Variants in B3GNT5 observed in about 807,000 individuals in gnomAD.
The protein encoded by B3GNT5 is lactosylceramide 1,3-N-acetyl-beta-D-glucosaminyltransferase.
Under a neutral mutation model 25.9 loss-of-function variants are expected in B3GNT5, and 11 were observed. The ratio of observed to expected loss-of-function variants is 0.42; its 90% confidence interval spans 0.27 to 0.70. B3GNT5 has a LOEUF of 0.70. Among genes scored for constraint, B3GNT5 ranks in the 30% least tolerant of loss-of-function variants. The pLI, the probability that B3GNT5 is intolerant of heterozygous loss-of-function variation, is 0.23. For missense variants in B3GNT5, 385 were observed against 458.4 expected (o/e 0.84, Z 1.46); for synonymous variants, 166 against 158.6 (o/e 1.05, Z -0.35).
Position 183,272,105 on chromosome 3 carries a change from A to C in B3GNT5, c.*1170A>C, listed in dbSNP as rs962208720. 1.4e-5 allele frequency: 14 copies of C among 978,944 alleles called. No homozygotes were observed. The highest frequency in any genetic ancestry group is 1.8e-5 in the African/African-American group (1 of 56,762). 60.6% of individuals were successfully genotyped at this position (978,944 alleles called of 1,614,324 possible). A position where few individuals can be genotyped will look rare whatever the true frequency, so the allele number is the denominator to read the frequency against. On this transcript the variant is annotated 3_prime_UTR_variant, in exon 2 of 2. Transcript: ENST00000326505. ...TATTTCAAACTTGAAAACAGAGTAA[A>C]AAAGTGATAGAAAAGTTGCCAGTTT...
At chr3:183,258,030 C>T (rs1437038894) in intron 1 of B3GNT5, among the ~76,000 whole-genome samples, 2 of 119,058 alleles carry the variant, frequency 1.7e-5, no homozygotes, top group Non-Finnish European at 3.2e-5. Flanking sequence ...TGCAATGGTG[C>T]CATCTCGGCT....
At chr3:183,268,500 T>G in intron 1 of B3GNT5, among the ~76,000 whole-genome samples, 1 of 149,220 alleles carries the variant, frequency 6.7e-6, no homozygotes, top group African/African-American at 2.6e-5. Flanking sequence ...ATAATGGAAG[T>G]GGAGAAAATG....
rs745325444 is a variant in B3GNT5, at chr3:183,270,650, G to C, written c.852G>C (p.Val284=). 16 of 1,614,020 alleles carry C rather than the reference G, an allele frequency of 9.9e-6. No homozygotes were observed. The highest frequency in any genetic ancestry group is 1.1e-5 in the Non-Finnish European group (13 of 1,180,044). The change falls in exon 2 of 2, where the codon GTG becomes GTC. Residue 284 remains valine (V), a synonymous_variant. Transcript: ENST00000326505. The surrounding 1 kb of genome is among the most constrained non-coding windows in gnomAD (Gnocchi z 4.5). ...TLNSSLYIDD[V]FMGLCANKIG... Reference sequence around the variant, plus strand: ...ATTCAAGTCTTTACATAGACGATGTGTTCATGGGCCTCTGTGCCAATAAAA... The same window carrying C: ...ATTCAAGTCTTTACATAGACGATGTCTTCATGGGCCTCTGTGCCAATAAAA...
intron 1 of B3GNT5, chr3:183,265,276 C>G (rs1725989764): frequency 6.6e-6 from 1 of 152,386 alleles, no homozygotes; most frequent in Admixed American, 6.5e-5. Flanking sequence ...GGCCACTGAC[C>G]CGTGCTGCAG....
intron 1 of B3GNT5, among the ~76,000 whole-genome samples, chr3:183,263,306 T>C (rs1725791362): frequency 6.6e-6 from 1 of 152,096 alleles, no homozygotes; most frequent in Admixed American, 6.5e-5. Context: ...TTGCTTTTCT[T>C]CCTGGAAATT....
At chr3:183,254,552 C>T (rs1363462674) in intron 1 of B3GNT5, 1 of 152,126 alleles carries the variant, frequency 6.6e-6, no homozygotes, top group Admixed American at 6.5e-5. Flanking sequence ...TTCCCGGGGC[C>T]TGCGGGTCCC....
intron 1 of B3GNT5, among the ~76,000 whole-genome samples, chr3:183,262,566 G>A (rs1324777593): frequency 2.6e-5 from 4 of 151,962 alleles, no homozygotes; most frequent in South Asian, 2.1e-4. Context: ...CCCTAGTCCC[G>A]GCCCGATCAG....
In B3GNT5 at chr3:183,272,304, T is replaced by C. The variant is rs1368537202; in HGVS notation, c.*1369T>C. Reference sequence around the variant, plus strand: ...GTGGTGTCTACTGCTAGGGAGATTATATGAAGGCCAAAATAATGACTTCAG... The same window carrying C: ...GTGGTGTCTACTGCTAGGGAGATTACATGAAGGCCAAAATAATGACTTCAG... On this transcript the variant is annotated 3_prime_UTR_variant, in exon 2 of 2. Coordinates refer to ENST00000326505, the MANE Select transcript of B3GNT5 (RefSeq NM_032047.5). 3 of 1,000,146 alleles carry C rather than the reference T, an allele frequency of 3.0e-6. No homozygotes were observed. The highest frequency in any genetic ancestry group is 3.6e-6 in the Non-Finnish European group (3 of 830,020). The allele number at this position is 1,000,146 out of a possible 1,614,324, so 62.0% of individuals were successfully genotyped here. A position where few individuals can be genotyped will look rare whatever the true frequency, so the allele number is the denominator to read the frequency against.
Position 183,270,151 on chromosome 3 carries a change from G to T in B3GNT5, c.353G>T (p.Arg118Leu), listed in dbSNP as rs772096430. The stretch of plus-strand genomic sequence containing the variant: ...ACGTGGGGCAATGAAAATTATGTTC[G>T]GTCTCAGCTGAATGCCAACATCAAA... ...RRTWGNENYV[R>L]SQLNANIKTL... The change falls in exon 2 of 2, where the codon CGG (arginine) becomes CTG (leucine). Residue 118 changes from arginine (R) to leucine (L), a missense_variant. Coordinates refer to ENST00000326505, the MANE Select transcript of B3GNT5 (RefSeq NM_032047.5). The surrounding 1 kb of genome is among the most constrained non-coding windows in gnomAD (Gnocchi z 4.5). The T allele has an allele frequency of 6.2e-7, 1 of 1,614,058 alleles. No individual in the cohort carries two copies. Among genetic ancestry groups the T allele is most frequent in the South Asian group, 1.1e-5 (1 of 91,062 alleles).
intron 1 of B3GNT5, among the ~76,000 whole-genome samples, chr3:183,262,527 C>G (rs1190892476): frequency 1.3e-5 from 2 of 152,170 alleles, no homozygotes; most frequent in East Asian, 3.9e-4. Flanking sequence ...TTAAATTGTG[C>G]ACCTAAAATA....
intron 1 of B3GNT5, among the ~76,000 whole-genome samples, chr3:183,255,875 A>G (rs1412253844): frequency 1.3e-5 from 2 of 152,076 alleles, no homozygotes; most frequent in Non-Finnish European, 2.9e-5. Context: ...ATAATAACTC[A>G]TGGGTTTTGA....
chr3:183,266,358 T>C (rs79049130), intron 1 of B3GNT5, among the ~76,000 whole-genome samples: 3,968 of 152,348 alleles, frequency 0.026, 160 homozygotes, highest in African/African-American at 0.09. Flanking sequence ...AAAGGTTACT[T>C]TCCTCTTTGT....
chr3:183,253,332 G>GC lies in B3GNT5; in HGVS notation c.-441dup. 6.7e-6 allele frequency: 1 copy of GC among 150,108 alleles called. No individual in the cohort carries two copies. The highest frequency in any genetic ancestry group is 1.5e-5 in the Non-Finnish European group (1 of 67,360). 9.3% of individuals were successfully genotyped at this position (150,108 alleles called of 1,614,324 possible). On this transcript the variant is annotated 5_prime_UTR_variant, in exon 1 of 2. Transcript: ENST00000326505. ...AGTCCTCGCCCAAGATTTAAAGCCC[G>GC]CAAGTTTTGTTCTTGAGACCAGCGA...
At chr3:183,260,483 C>A (rs1725482514) in intron 1 of B3GNT5, among the ~76,000 whole-genome samples, 1 of 152,162 alleles carries the variant, frequency 6.6e-6, no homozygotes, top group South Asian at 2.1e-4. Context: ...TCTGAGACCT[C>A]CTTTATATGT....
intron 1 of B3GNT5, among the ~76,000 whole-genome samples, chr3:183,264,181 A>T (rs552186611): frequency 1.1e-3 from 169 of 152,316 alleles, no homozygotes; most frequent in Non-Finnish European, 1.8e-3. Flanking sequence ...AAGGTTCTCC[A>T]TAAGCAGGTT....
Position 183,270,528 on chromosome 3 carries a change from T to C in B3GNT5, c.730T>C (p.Tyr244His). ...SSKYYVSYEMYQWPAYPDYTA... is the reference protein window; with the variant it reads ...SSKYYVSYEMHQWPAYPDYTA... ...CAAATACTACGTGTCCTATGAAATG[T>C]ACCAGTGGCCAGCTTACCCTGACTA... is the stretch of plus-strand genomic sequence containing the variant. The change falls in exon 2 of 2, where the codon TAC becomes CAC. Residue 244 changes from tyrosine (Y) to histidine (H), a missense_variant. Physicochemically the swap from Tyr to His is moderately conservative, Grantham distance 83. Coordinates refer to ENST00000326505, the MANE Select transcript of B3GNT5 (RefSeq NM_032047.5). This position sits in a 1 kb window ranked among gnomAD's most constrained non-coding sequence, Gnocchi z 4.5. 6.2e-7 allele frequency: 1 copy of C among 1,614,196 alleles called. No homozygotes were observed. The highest frequency in any genetic ancestry group is 8.5e-7 in the Non-Finnish European group (1 of 1,180,022).
Position 183,272,659 on chromosome 3 carries a change from A to G in B3GNT5, c.*1724A>G. On this transcript the variant is annotated 3_prime_UTR_variant, in exon 2 of 2. Transcript: ENST00000326505. ...AGTAGATACAGGGTTTTAGATCATT[A>G]CAGTTTAAGTTTTCTGACCAATTAA... The G allele has an allele frequency of 1.0e-6, 1 of 1,003,138 alleles. No homozygotes were observed. 62.1% of individuals were successfully genotyped at this position (1,003,138 alleles called of 1,614,324 possible).
At chr3:183,255,675 A>G (rs1724976471) in intron 1 of B3GNT5, among the ~76,000 whole-genome samples, 3 of 152,220 alleles carry the variant, frequency 2.0e-5, no homozygotes, top group Admixed American at 2.0e-4. Flanking sequence ...CTGCCCAGAG[A>G]AAACTCAGAA....
chr3:183,253,737 G>A (rs1040466962), intron 1 of B3GNT5: 1 of 152,362 alleles, frequency 6.6e-6, no homozygotes, highest in African/African-American at 2.4e-5. Context: ...AGGAACCGCG[G>A]CGTTCCCTGG....
Sources: allele counts gnomAD v4.1 joint callset (sites outside exome capture counted in the v4.1 genomes callset), GRCh38; gene constraint gnomAD v4.1.1; non-coding constraint Gnocchi (gnomAD v3.1); transcripts MANE v1.5; gene names NCBI Gene and HGNC (gene_info 2026-07-23, HGNC 2026-07-21).